Variants in AP2B1 observed in about 807,000 individuals in gnomAD.
AP2B1 encodes the protein adaptor related protein complex 2 subunit beta 1, also known as AP-2 complex subunit beta.
Under a neutral mutation model 102.0 loss-of-function variants are expected in AP2B1, and 23 were observed. The ratio of observed to expected loss-of-function variants is 0.23; its 90% CI spans 0.16 to 0.32. AP2B1 has a LOEUF of 0.32. AP2B1 is among the 10% of genes least tolerant of loss of function. The pLI is 1.00. For synonymous variants in AP2B1, 381 were observed against 421.2 expected (o/e 0.90, Z 1.17); for missense variants, 541 against 1,157.4 (o/e 0.47, Z 7.73).
rs569487369 is a variant in AP2B1 at position 35,608,698 on chromosome 17, G to T, written c.525+311G>T. 2.9e-4 allele frequency among the ~76,000 whole-genome samples: 44 copies of T among 152,220 alleles called. 1 individual carries two copies. The highest frequency in any genetic ancestry group is 1.0e-3 in the African/African-American group (43 of 41,534). On this transcript the variant is annotated intron_variant, in intron 5 of 21. Coordinates refer to ENST00000610402, the MANE Select transcript of AP2B1 (RefSeq NM_001030006.2). ...TGGCCGTAAATTTATATATATTTAA[G>T]ATTATTTTCTTCAGATCAATATTTG...
At chr17:35,600,131 G>T (rs1450528075) in intron 3 of AP2B1, among the ~76,000 whole-genome samples, 1 of 151,918 alleles carries the variant, frequency 6.6e-6, no homozygotes, top group Non-Finnish European at 1.5e-5. Flanking sequence ...ACCCATACTG[G>T]AGTGTAGTGA....
intron 6 of AP2B1, 93 bp from the exon 7 acceptor site, chr17:35,626,528 A>T: frequency 1.9e-6 from 2 of 1,034,094 alleles, no homozygotes; most frequent in African/African-American, 1.6e-5. Context: ...ATTTTTTGAT[A>T]CTTGGCCATT....
At chr17:35,660,533 G>T (rs2075336459) in intron 14 of AP2B1, among the ~76,000 whole-genome samples, 2 of 147,620 alleles carry the variant, frequency 1.4e-5, no homozygotes, top group South Asian at 2.1e-4. Flanking sequence ...GCCCAGGCTG[G>T]AGTGCAGTTG....
At chr17:35,604,530 G>T (rs956949390) in intron 3 of AP2B1, among the ~76,000 whole-genome samples, 1 of 151,478 alleles carries the variant, frequency 6.6e-6, no homozygotes, top group Non-Finnish European at 1.5e-5. Context: ...GGCCAAGGCA[G>T]GTGGATCACC....
intron 3 of AP2B1, among the ~76,000 whole-genome samples, chr17:35,599,588 A>G (rs1003889142): frequency 6.6e-6 from 1 of 152,188 alleles, no homozygotes; most frequent in African/African-American, 2.4e-5. Flanking sequence ...AAAATTATGC[A>G]TGGATAAAAG....
At chr17:35,671,985 G>A (rs1437982222) in intron 16 of AP2B1, 85 bp downstream of exon 16, 15 of 1,475,346 alleles carry the variant, frequency 1.0e-5, no homozygotes, top group South Asian at 3.9e-5. Context: ...TACTTCTACT[G>A]GTAATAAATC....
chr17:35,689,601 T>C (rs1343063913), intron 18 of AP2B1, among the ~76,000 whole-genome samples: 1 of 152,246 alleles, frequency 6.6e-6, no homozygotes, highest in East Asian at 1.9e-4. Flanking sequence ...TTTTTTGTTT[T>C]ATTATTTGTG....
intron 18 of AP2B1, among the ~76,000 whole-genome samples, chr17:35,701,759 G>A (rs1221403460): frequency 6.6e-6 from 1 of 152,106 alleles, no homozygotes; most frequent in African/African-American, 2.4e-5. Flanking sequence ...GGGACCAAAG[G>A]CTCATGCCAC....
intron 3 of AP2B1, among the ~76,000 whole-genome samples, chr17:35,603,824 C>T (rs2073569592): frequency 6.6e-6 from 1 of 152,160 alleles, no homozygotes; most frequent in Non-Finnish European, 1.5e-5. Context: ...TGCCCTGTCG[C>T]ACTCCTGAAA....
At chr17:35,709,506 TCAC>T (rs1276149716) in intron 19 of AP2B1, among the ~76,000 whole-genome samples, 198 bp downstream of exon 19, 1 of 152,174 alleles carries the variant, frequency 6.6e-6, no homozygotes, top group Non-Finnish European at 1.5e-5. Flanking sequence ...GGTCTCTAAA[TCAC>T]AGTGCCCAAT....
At chr17:35,673,350 A>C (rs1248930859) in intron 16 of AP2B1, among the ~76,000 whole-genome samples, 1 of 151,768 alleles carries the variant, frequency 6.6e-6, no homozygotes, top group Non-Finnish European at 1.5e-5. Context: ...ACTCCTAGCT[A>C]ATTTCTTTTT....
chr17:35,667,890 A>C (rs2075501576), intron 14 of AP2B1, among the ~76,000 whole-genome samples: 1 of 148,876 alleles, frequency 6.7e-6, no homozygotes, highest in Admixed American at 6.7e-5. Flanking sequence ...CAAATGAAAC[A>C]TTTTTCGTAG....
At chr17:35,720,020 C>T (rs1555591966) in intron 21 of AP2B1, among the ~76,000 whole-genome samples, 1 of 152,010 alleles carries the variant, frequency 6.6e-6, no homozygotes, top group African/African-American at 2.4e-5. Context: ...AAATAGCCAC[C>T]AAGTACTTGA....
intron 9 of AP2B1, among the ~76,000 whole-genome samples, chr17:35,635,623 C>T (rs542678322): frequency 6.6e-6 from 1 of 152,250 alleles, no homozygotes; most frequent in African/African-American, 2.4e-5. Flanking sequence ...ACCTCATGAT[C>T]CAGCTGCCTC....
chr17:35,608,201 C>A lies in AP2B1; in HGVS notation c.339C>A (p.Ile113=). The A allele has an allele frequency of 6.2e-7, 1 of 1,614,062 alleles. No individual in the cohort carries two copies. The highest frequency in any genetic ancestry group is 8.5e-7 in the Non-Finnish European group (1 of 1,180,016). Reference sequence around the variant, plus strand: ...TGGCAGTCAGAACCATGGGGTGCATCCGGGTAGACAAAATTACAGAATATC... The same window carrying A: ...TGGCAGTCAGAACCATGGGGTGCATACGGGTAGACAAAATTACAGAATATC... The part of the protein sequence containing the change: ...RALAVRTMGC[I]RVDKITEYLC... Residue 113 remains isoleucine, a synonymous_variant, in exon 5 of 22, where the codon ATC becomes ATA. Transcript: ENST00000610402.
chr17:35,594,521 T>A (rs1195007530), intron 2 of AP2B1, among the ~76,000 whole-genome samples: 1 of 152,252 alleles, frequency 6.6e-6, no homozygotes, highest in African/African-American at 2.4e-5. Context: ...TTGGTGTATA[T>A]CCTCAAGTCT....
intron 19 of AP2B1, 47 bp from the exon 20 acceptor site, chr17:35,710,187 C>CTGACAG: frequency 1.5e-6 from 2 of 1,360,260 alleles, no homozygotes; most frequent in Non-Finnish European, 2.1e-6. Flanking sequence ...AATCAGAATA[C>CTGACAG]TGACAGCTTA....
chr17:35,646,873 C>T (rs150341072), intron 12 of AP2B1, among the ~76,000 whole-genome samples: 3 of 152,082 alleles, frequency 2.0e-5, no homozygotes, highest in African/African-American at 4.8e-5. Flanking sequence ...ACTGAGCCAC[C>T]GTGCCTGGCT....
chr17:35,659,233 G>A (rs1169979735), intron 14 of AP2B1, among the ~76,000 whole-genome samples: 1 of 152,086 alleles, frequency 6.6e-6, no homozygotes, highest in Admixed American at 6.6e-5. Context: ...ATTAAATATT[G>A]CATCCTCCTC....
Sources: gnomAD v4.1 joint callset for allele counts (sites outside exome capture counted in the v4.1 genomes callset) on GRCh38, gnomAD v4.1.1 for gene constraint, MANE v1.5 for transcripts, NCBI Gene and HGNC (gene_info 2026-07-23, HGNC 2026-07-21) for gene names.